Variants in MTUS2 observed in about 807,000 individuals in gnomAD.
MTUS2 encodes microtubule associated scaffold protein 2.
Under a neutral mutation model 114.1 loss-of-function variants are expected in MTUS2, and 40 were observed. The ratio of observed to expected loss-of-function variants is 0.35; its 90% CI spans 0.27 to 0.46. The LOEUF is 0.46. Among genes scored for constraint, MTUS2 ranks in the 20% least tolerant of loss-of-function variants. The pLI is 1.00. For synonymous variants in MTUS2, 688 were observed against 672.0 expected, an observed-to-expected ratio of 1.02 and a Z score of -0.37; for missense variants, 1,679 against 1,705.4, an observed-to-expected ratio of 0.98 and a Z score of 0.27.
intron 9 of MTUS2, among the ~76,000 whole-genome samples, chr13:29,478,352 A>G (rs1880864080): frequency 6.6e-6 from 1 of 152,176 alleles, no homozygotes; most frequent in African/African-American, 2.4e-5. Context: ...TTTGTAGGGA[A>G]TGTACATGGG....
chr13:29,104,658 C>T (rs953831065), intron 5 of MTUS2, among the ~76,000 whole-genome samples: 3 of 152,156 alleles, frequency 2.0e-5, no homozygotes, highest in Non-Finnish European at 2.9e-5. Context: ...TATCGTGCCT[C>T]CAGGATAGCC....
At position 29,424,945 on chromosome 13, in the gene MTUS2, A is replaced by T. The variant is rs879901161; in HGVS notation, c.3118-15038A>T. Among the ~76,000 whole-genome samples the T allele has an allele frequency of 3.5e-4, 53 of 150,126 alleles. 1 individual carries two copies. The highest frequency in any genetic ancestry group is 5.5e-4 in the Non-Finnish European group (37 of 67,304). ...TGATTCAAACAAAGAAACCAGGAAA[A>T]TTTTTTTTTTAGAAACCAGCAAAAT... On this transcript the variant is annotated intron_variant, in intron 8 of 15. Transcript: ENST00000612955.
intron 4 of MTUS2, among the ~76,000 whole-genome samples, chr13:29,095,244 G>A (rs117569180): frequency 6.6e-6 from 1 of 151,994 alleles, no homozygotes; most frequent in African/African-American, 2.4e-5. Context: ...TGAAAGTGAG[G>A]TATTGAAGTC....
intron 5 of MTUS2, chr13:29,242,437 G>T (rs9506124): frequency 0.42 from 73,122 of 173,930 alleles, 17,437 homozygotes; most frequent in Non-Finnish European, 0.53. Flanking sequence ...CCAATTTATG[G>T]ATATACTACC....
intron 2 of MTUS2, among the ~76,000 whole-genome samples, chr13:29,008,057 G>C (rs544665962): frequency 8.5e-5 from 13 of 152,284 alleles, no homozygotes; most frequent in African/African-American, 2.9e-4. Flanking sequence ...GTTAGTAAAT[G>C]CCGCATGAGG....
At chr13:29,083,179 T>C (rs1346062973) in intron 4 of MTUS2, among the ~76,000 whole-genome samples, 2 of 152,210 alleles carry the variant, frequency 1.3e-5, no homozygotes, top group African/African-American at 4.8e-5. Flanking sequence ...GAATTTAGCA[T>C]GGTGGCAAGA....
chr13:29,500,427 G>T (rs1387801875), intron 14 of MTUS2, among the ~76,000 whole-genome samples: 1 of 152,188 alleles, frequency 6.6e-6, no homozygotes, highest in Non-Finnish European at 1.5e-5. Flanking sequence ...ACTTCAGCTA[G>T]GTCTCAGGCC....
chr13:29,490,543 GC>G (rs2138963343), intron 11 of MTUS2, among the ~76,000 whole-genome samples: 1 of 152,382 alleles, frequency 6.6e-6, no homozygotes, highest in African/African-American at 2.4e-5. Flanking sequence ...ATCTCTTTCT[GC>G]CTAACTTGCA....
chr13:29,072,309 T>G (rs1448490596), intron 4 of MTUS2: 1 of 152,206 alleles, frequency 6.6e-6, no homozygotes, highest in East Asian at 1.9e-4. Flanking sequence ...TTCAAGCATC[T>G]TTGATTAGAG....
chr13:29,389,465 G>GTA (rs1873010171), intron 8 of MTUS2, among the ~76,000 whole-genome samples: 1 of 105,046 alleles, frequency 9.5e-6, no homozygotes, highest in Admixed American at 9.4e-5. Context: ...GTGTGTGTAT[G>GTA]TGTATATGTA....
At chr13:29,478,663 C>G (rs536217622) in intron 9 of MTUS2, among the ~76,000 whole-genome samples, 2 of 152,234 alleles carry the variant, frequency 1.3e-5, no homozygotes, top group Admixed American at 1.3e-4. Context: ...TGTAAATTCT[C>G]TACCTACAGC....
intron 5 of MTUS2, among the ~76,000 whole-genome samples, chr13:29,132,014 C>A (rs1254480772): frequency 6.6e-6 from 1 of 152,182 alleles, no homozygotes; most frequent in Non-Finnish European, 1.5e-5. Context: ...AGAAGCAGAG[C>A]AGTTAAATGA....
chr13:29,305,275 A>G (rs918120872), intron 6 of MTUS2, among the ~76,000 whole-genome samples: 1 of 152,202 alleles, frequency 6.6e-6, no homozygotes, highest in Non-Finnish European at 1.5e-5. Context: ...AAGACAAGGA[A>G]TAACCAAGAT....
chr13:29,158,289 T>G (rs1245725095), intron 5 of MTUS2, among the ~76,000 whole-genome samples: 1 of 151,064 alleles, frequency 6.6e-6, no homozygotes, highest in East Asian at 2.0e-4. Flanking sequence ...CTTTCGTATT[T>G]ACACCTCGCC....
At chr13:29,031,350 C>T (rs1391721875) in intron 3 of MTUS2, among the ~76,000 whole-genome samples, 2 of 149,934 alleles carry the variant, frequency 1.3e-5, no homozygotes, top group Admixed American at 1.3e-4. Flanking sequence ...ATATATATAT[C>T]TCATATGTAG....
intron 1 of MTUS2, among the ~76,000 whole-genome samples, chr13:28,823,833 G>A (rs1230042873): frequency 3.9e-5 from 6 of 152,136 alleles, no homozygotes; most frequent in Non-Finnish European, 7.3e-5. Context: ...ATAGAATCAC[G>A]GTGGAAGGGG....
chr13:29,242,658 T>G (rs1378004562), intron 5 of MTUS2: 1 of 152,912 alleles, frequency 6.5e-6, no homozygotes, highest in Non-Finnish European at 1.5e-5. Context: ...GGTTTGATTT[T>G]TTTTCATATC....
At chr13:28,947,244 G>A (rs1340847960) in intron 2 of MTUS2, among the ~76,000 whole-genome samples, 3 of 152,022 alleles carry the variant, frequency 2.0e-5, no homozygotes, top group Non-Finnish European at 4.4e-5. Context: ...AAAGAGTGTC[G>A]CTGCTTGAAA....
intron 5 of MTUS2, among the ~76,000 whole-genome samples, chr13:29,153,109 G>T (rs951405148): frequency 6.6e-6 from 1 of 152,268 alleles, no homozygotes; most frequent in Admixed American, 6.5e-5. Flanking sequence ...ACTCCATGAT[G>T]CCTTCAAGCT....
Sources: gnomAD v4.1 joint callset for allele counts (sites outside exome capture counted in the v4.1 genomes callset) on GRCh38, gnomAD v4.1.1 for gene constraint, MANE v1.5 for transcripts, NCBI Gene and HGNC (gene_info 2026-07-23, HGNC 2026-07-21) for gene names.